Variants in GSE1 observed in about 807,000 individuals in gnomAD.
The protein encoded by GSE1 is genetic suppressor element 1.
Under a neutral mutation model 112.6 loss-of-function variants are expected in GSE1, and 32 were observed. The ratio of observed to expected loss-of-function variants is 0.28; its 90% CI spans 0.21 to 0.38. The LOEUF is 0.38. Ranked by LOEUF, GSE1 falls within the 10% of genes least tolerant of loss-of-function variation. The pLI, the probability that GSE1 is intolerant of heterozygous loss-of-function variation, is 1.00. For synonymous variants in GSE1, 1,115 were observed against 735.6 expected, an observed-to-expected ratio of 1.52 and a Z score of -8.35; for missense variants, 2,348 against 1,699.2, an observed-to-expected ratio of 1.38 and a Z score of -6.71.
rs556391603 is a variant in GSE1 at position 85,590,351 on chromosome 16, C to G, written c.37+33988C>G. On this transcript the variant is annotated intron_variant, in intron 1 of 2. Transcript: ENST00000635906. ...GAGTGTGTGTGATTAACGCGTGGGCCTGCTTGTGAATGAGTGTGAGTGTGT... is the reference window on the plus strand; with the variant it reads ...GAGTGTGTGTGATTAACGCGTGGGCGTGCTTGTGAATGAGTGTGAGTGTGT... Among the ~76,000 whole-genome samples the G allele has an allele frequency of 4.2e-5, 6 of 141,492 alleles. No individual in the cohort carries two copies. In the South Asian group the frequency reaches 6.7e-4, roughly 16 times the overall value. The allele number at this position is 141,492 out of a possible 152,430, so 92.8% of individuals were successfully genotyped here.
At chr16:85,331,083 G>T (rs1353377600) in intron 1 of GSE1, among the ~76,000 whole-genome samples, 1 of 151,964 alleles carries the variant, frequency 6.6e-6, no homozygotes, top group South Asian at 2.1e-4. Context: ...CTGGAGATGG[G>T]AATGGAGACG....
intron 1 of GSE1, among the ~76,000 whole-genome samples, chr16:85,258,270 A>T (rs1353344704): frequency 6.6e-6 from 1 of 152,218 alleles, no homozygotes; most frequent in Non-Finnish European, 1.5e-5. Context: ...GGAGCAGCCC[A>T]GTTCCCTTGA....
intron 1 of GSE1, among the ~76,000 whole-genome samples, chr16:85,212,842 CTG>C (rs2075248412): frequency 1.3e-5 from 2 of 152,148 alleles, no homozygotes; most frequent in African/African-American, 4.8e-5. Context: ...CTAGAACAAA[CTG>C]TAGCTGGGTG....
chr16:85,329,634 C>A (rs1312166496), intron 1 of GSE1, among the ~76,000 whole-genome samples: 1 of 151,876 alleles, frequency 6.6e-6, no homozygotes, highest in Admixed American at 6.6e-5. Flanking sequence ...TTCGCCTGTG[C>A]CAAGGCTCAT....
intron 2 of GSE1, among the ~76,000 whole-genome samples, chr16:85,391,888 G>T (rs563562444): frequency 6.6e-6 from 1 of 152,104 alleles, no homozygotes. Flanking sequence ...ACGTGTTCCC[G>T]GGCTGCCCTG....
intron 1 of GSE1, among the ~76,000 whole-genome samples, chr16:85,172,942 C>T (rs1204929499): frequency 6.6e-6 from 1 of 152,214 alleles, no homozygotes; most frequent in East Asian, 1.9e-4. Context: ...CCCCTGTCTT[C>T]ATGCTCTACT....
chr16:85,529,601 C>A (rs1038601748), intron 2 of GSE1, among the ~76,000 whole-genome samples: 1 of 152,112 alleles, frequency 6.6e-6, no homozygotes, highest in Non-Finnish European at 1.5e-5. Flanking sequence ...AGCCCCCCAC[C>A]CCCACTACGG....
intron 1 of GSE1, among the ~76,000 whole-genome samples, chr16:85,327,936 C>T (rs1414960358): frequency 1.3e-5 from 2 of 152,184 alleles, no homozygotes; most frequent in Non-Finnish European, 2.9e-5. Flanking sequence ...GATGGCTCAT[C>T]CTTGCCCTGG....
chr16:85,670,538 T>C lies in GSE1; in HGVS notation c.3416-457T>C, dbSNP rs556792923. 10 of 152,884 alleles carry C rather than the reference T, an allele frequency of 6.5e-5. No homozygotes were observed. In the South Asian group the frequency reaches 2.1e-3, roughly 31 times the overall value. The allele number at this position is 152,884 out of a possible 1,614,324, so 9.5% of individuals were successfully genotyped here. ...TTTTCATTTGCTGAAACACTGTGTA[T>C]AAGGTAGGGATTTGTCCTGAAAGAT... On this transcript the variant is annotated intron_variant, in intron 14 of 15. Coordinates refer to ENST00000253458, the MANE Select transcript of GSE1 (RefSeq NM_014615.5).
chr16:85,334,064 G>A (rs1302269920), intron 1 of GSE1, among the ~76,000 whole-genome samples: 2 of 152,138 alleles, frequency 1.3e-5, no homozygotes, highest in Non-Finnish European at 2.9e-5. Context: ...CCTCAGACCC[G>A]CTCCCTCTCC....
In GSE1 at chr16:85,646,116, CT is replaced by C. The variant is rs1421923834; in HGVS notation, c.227-2434del. On this transcript the variant is annotated intron_variant, in intron 2 of 15. Coordinates refer to ENST00000253458, the MANE Select transcript of GSE1 (RefSeq NM_014615.5). The stretch of plus-strand genomic sequence containing the variant: ...GCTTCCTATGCATGCATTCTACCTG[CT>C]TCTACCACGCTTCCTATGCATGCAT... 4.7e-3 allele frequency among the ~76,000 whole-genome samples: 567 copies of C among 120,278 alleles called. 55 individuals are homozygous for C. The highest frequency in any genetic ancestry group is 0.011 in the African/African-American group (304 of 27,072). 78.9% of individuals were successfully genotyped at this position (120,278 alleles called of 152,430 possible). A position where few individuals can be genotyped will look rare whatever the true frequency, so the allele number is the denominator to read the frequency against.
chr16:85,201,793 G>A (rs763372682), intron 1 of GSE1, among the ~76,000 whole-genome samples: 11 of 152,178 alleles, frequency 7.2e-5, no homozygotes, highest in African/African-American at 2.7e-4. Flanking sequence ...AGACAAAGCC[G>A]CGTAGCCTTT....
At chr16:85,490,181 GA>G (rs2050965449) in intron 2 of GSE1, 1 of 152,384 alleles carries the variant, frequency 6.6e-6, no homozygotes, top group Non-Finnish European at 1.5e-5. Context: ...CCTTGCGCTA[GA>G]TGTTGAGAGG....
chr16:85,474,016 G>T (rs960584949), intron 2 of GSE1, among the ~76,000 whole-genome samples: 3 of 152,174 alleles, frequency 2.0e-5, no homozygotes, highest in Non-Finnish European at 4.4e-5. Flanking sequence ...GCACAGGCGG[G>T]CAGGGTGTGA....
chr16:85,239,113 G>A lies in GSE1; in HGVS notation c.2283+67306G>A, dbSNP rs113897251. Among the ~76,000 whole-genome samples, 608 of 152,220 alleles carry A rather than the reference G, an allele frequency of 4.0e-3. 1 individual carries two copies. The highest frequency in any genetic ancestry group is 0.014 in the African/African-American group (583 of 41,540). ...CCCCTAATTTGTTTTTGTATTTTTG[G>A]TGGAGTTGAGGTTTCACCATGTTGG... On this transcript the variant is annotated intron_variant, in intron 1 of 2. Coordinates refer to the GSE1 transcript ENST00000637419.
chr16:85,483,047 A>C (rs1336668662), intron 2 of GSE1, among the ~76,000 whole-genome samples: 1 of 152,154 alleles, frequency 6.6e-6, no homozygotes, highest in South Asian at 2.1e-4. Flanking sequence ...AAGATTCCAC[A>C]CATAAGGACT....
chr16:85,603,218 C>T (rs949896798), intron 1 of GSE1, among the ~76,000 whole-genome samples: 1 of 152,218 alleles, frequency 6.6e-6, no homozygotes, highest in Non-Finnish European at 1.5e-5. Context: ...GGGGAGGGGA[C>T]ATTGTGAACC....
intron 1 of GSE1, among the ~76,000 whole-genome samples, chr16:85,299,818 C>T (rs1220291663): frequency 6.6e-6 from 1 of 151,634 alleles, no homozygotes; most frequent in Non-Finnish European, 1.5e-5. Flanking sequence ...CATACATAAT[C>T]ACAGCTAATC....
chr16:85,414,146 T>C (rs1270765197), intron 2 of GSE1, among the ~76,000 whole-genome samples: 2 of 152,156 alleles, frequency 1.3e-5, no homozygotes, highest in African/African-American at 4.8e-5. Context: ...CACTCCCCCA[T>C]GGGCCCACGC....
Sources: allele counts gnomAD v4.1 joint callset (sites outside exome capture counted in the v4.1 genomes callset), GRCh38; gene constraint gnomAD v4.1.1; transcripts MANE v1.5; gene names NCBI Gene and HGNC (gene_info 2026-07-23, HGNC 2026-07-21).